The following KLHDC4 variants were observed in gnomAD, a reference collection of about 807,000 sequenced individuals.
KLHDC4 encodes the protein kelch domain-containing protein 4.
Under a neutral mutation model 62.4 loss-of-function variants are expected in KLHDC4, and 90 were observed. The observed-to-expected ratio is 1.44, with a 90% confidence interval of 1.22 to 1.72. KLHDC4 has a LOEUF of 1.72. KLHDC4 is among the 40% of genes most tolerant of loss of function. The probability of loss-of-function intolerance (pLI) is 0.00; values close to 1 mark genes in which losing one functional copy is unlikely to be tolerated. For missense variants in KLHDC4, 1,025 were observed against 699.7 expected (o/e 1.47, Z -5.25); for synonymous variants, 386 against 284.4 (o/e 1.36, Z -3.59).
At chr16:87,735,677 T>A (rs754874000) in intron 5 of KLHDC4, among the ~76,000 whole-genome samples, 17 of 152,256 alleles carry the variant, frequency 1.1e-4, no homozygotes, top group African/African-American at 4.1e-4. Context: ...CCATTTATAT[T>A]TGAAACCCCA....
chr16:87,706,288 G>T (rs1158205347), downstream of KLHDC4, among the ~76,000 whole-genome samples: 1 of 126,872 alleles, frequency 7.9e-6, no homozygotes, highest in Non-Finnish European at 1.7e-5. Context: ...CGGGGAGGGG[G>T]GTGAGCTGGC....
chr16:87,760,088 A>G (rs2045630301), intron 2 of KLHDC4, among the ~76,000 whole-genome samples: 1 of 152,156 alleles, frequency 6.6e-6, no homozygotes, highest in African/African-American at 2.4e-5. Flanking sequence ...TTACCAAGCA[A>G]AAGATCTTAA....
At chr16:87,719,638 C>A (rs1003770610) in intron 7 of KLHDC4, among the ~76,000 whole-genome samples, 8 of 151,156 alleles carry the variant, frequency 5.3e-5, no homozygotes, top group African/African-American at 1.7e-4. Flanking sequence ...ATCCCCCTCT[C>A]CGAGAAACAC....
intron 4 of KLHDC4, among the ~76,000 whole-genome samples, chr16:87,749,431 G>A (rs941968471): frequency 1.3e-5 from 2 of 151,956 alleles, no homozygotes; most frequent in Non-Finnish European, 2.9e-5. Flanking sequence ...GCATGCACCT[G>A]TAGTCCCAGC....
At chr16:87,720,335 C>T (rs933185669) in intron 7 of KLHDC4, among the ~76,000 whole-genome samples, 2 of 152,270 alleles carry the variant, frequency 1.3e-5, no homozygotes, top group East Asian at 1.9e-4. Context: ...CGGTTCCAAG[C>T]GGACGTGTGT....
chr16:87,742,720 G>A (rs935472146), intron 5 of KLHDC4, among the ~76,000 whole-genome samples: 6 of 152,074 alleles, frequency 3.9e-5, no homozygotes, highest in African/African-American at 1.4e-4. Flanking sequence ...GGGTCTACGT[G>A]GAGTACGAAG....
chr16:87,730,285 C>G (rs1362792448), intron 6 of KLHDC4, among the ~76,000 whole-genome samples: 1 of 152,240 alleles, frequency 6.6e-6, no homozygotes, highest in Non-Finnish European at 1.5e-5. Context: ...CTAGCCACAT[C>G]ATTTGCAGGA....
downstream of KLHDC4, among the ~76,000 whole-genome samples, chr16:87,705,876 G>A (rs1399914009): frequency 6.6e-6 from 1 of 152,236 alleles, no homozygotes; most frequent in Non-Finnish European, 1.5e-5. Flanking sequence ...TTAGCTGAGA[G>A]TGTGAGGAAA....
At position 87,762,049 on chromosome 16, in the gene KLHDC4, A is replaced by G; in HGVS notation, c.100-9T>C. On this transcript the variant is annotated splice_polypyrimidine_tract_variant and intron_variant, in intron 1 of 11. Coordinates refer to ENST00000270583, the MANE Select transcript of KLHDC4 (RefSeq NM_017566.4). ...AGCGCTTCCAGGTCTTCCTAGGGCA[A>G]GCAAGCAGGCACACGTGAGACTTAT... The G allele has an allele frequency of 6.2e-7, 1 of 1,612,904 alleles. No individual in the cohort carries two copies.
At chr16:87,712,566 C>G (rs373970942) in intron 8 of KLHDC4, among the ~76,000 whole-genome samples, 1 of 152,234 alleles carries the variant, frequency 6.6e-6, no homozygotes, top group South Asian at 2.1e-4. Flanking sequence ...GGGAAACAGT[C>G]CAGCATCCAG....
At position 87,765,514 on chromosome 16, in the gene KLHDC4, G is replaced by C. The variant is rs373023370; in HGVS notation, c.99+278C>G. Among the ~76,000 whole-genome samples, 12 of 151,980 alleles carry C rather than the reference G, an allele frequency of 7.9e-5. No individual in the cohort carries two copies. In the East Asian group the frequency reaches 2.1e-3, roughly 27 times the overall value. ...TGGAGGGAGAAGGGAGGAGGGGGAG[G>C]AAACGCAGAAAAACGCCCGTGACAC... is the stretch of plus-strand genomic sequence containing the variant. On this transcript the variant is annotated intron_variant, in intron 1 of 11. Coordinates refer to ENST00000270583, the MANE Select transcript of KLHDC4 (RefSeq NM_017566.4).
At chr16:87,716,444 G>C (rs974932025) in intron 7 of KLHDC4, among the ~76,000 whole-genome samples, 1 of 152,174 alleles carries the variant, frequency 6.6e-6, no homozygotes, top group Non-Finnish European at 1.5e-5. Context: ...ACACACAGCT[G>C]CCACTAGGAG....
intron 4 of KLHDC4, among the ~76,000 whole-genome samples, chr16:87,754,143 AAAAAT>A (rs991720801): frequency 5.9e-5 from 9 of 152,036 alleles, no homozygotes; most frequent in African/African-American, 1.4e-4. Context: ...CCCTCTCAAA[AAAAAT>A]AAAATAAAGA....
intron 6 of KLHDC4, among the ~76,000 whole-genome samples, chr16:87,727,603 G>A (rs1247352540): frequency 2.0e-5 from 3 of 152,198 alleles, no homozygotes; most frequent in Non-Finnish European, 4.4e-5. Flanking sequence ...ACGCAGACTG[G>A]GCTGAACAGG....
At chr16:87,750,879 A>C (rs892841876) in intron 4 of KLHDC4, 3 of 152,262 alleles carry the variant, frequency 2.0e-5, no homozygotes, top group Admixed American at 2.0e-4. Flanking sequence ...ACTTACCTGT[A>C]AAGGGACAGG....
At chr16:87,730,816 G>T in intron 5 of KLHDC4, 172 bp from the exon 6 acceptor site, 2 of 562,120 alleles carry the variant, frequency 3.6e-6, no homozygotes, top group Non-Finnish European at 6.2e-6. Context: ...AAACCATCCT[G>T]CTAAGAGCCC....
intron 5 of KLHDC4, among the ~76,000 whole-genome samples, chr16:87,741,217 C>CAA (rs2042190033): frequency 6.6e-6 from 1 of 152,220 alleles, no homozygotes. Flanking sequence ...CAATGTGCTA[C>CAA]AAAAACACCC....
intron 7 of KLHDC4, among the ~76,000 whole-genome samples, chr16:87,720,515 C>A: frequency 6.6e-6 from 1 of 152,206 alleles, no homozygotes; most frequent in Non-Finnish European, 1.5e-5. Context: ...CACCACACAA[C>A]CACAGGTGAT....
chr16:87,763,014 C>T (rs551004312), intron 1 of KLHDC4, among the ~76,000 whole-genome samples: 31 of 152,310 alleles, frequency 2.0e-4, no homozygotes, highest in African/African-American at 7.2e-4. Flanking sequence ...CGCCCCACCT[C>T]GTGCTTCCTT....
Sources: allele counts gnomAD v4.1 joint callset (sites outside exome capture counted in the v4.1 genomes callset), GRCh38; gene constraint gnomAD v4.1.1; transcripts MANE v1.5; gene names NCBI Gene and HGNC (gene_info 2026-07-23, HGNC 2026-07-21).